The following LSAMP variants were observed in gnomAD, a reference collection of about 807,000 sequenced individuals.
LSAMP encodes limbic system associated membrane protein, also known as limbic system-associated membrane protein.
Under a neutral mutation model 38.6 loss-of-function variants are expected in LSAMP, and 7 were observed. The ratio of observed to expected loss-of-function variants is 0.18; its 90% CI spans 0.10 to 0.34. The LOEUF (loss-of-function observed/expected upper bound fraction) is 0.34, where lower values mean the gene tolerates loss of function less well. Among genes scored for constraint, LSAMP ranks in the 10% least tolerant of loss-of-function variants. LSAMP has a pLI of 1.00. For synonymous variants in LSAMP, 154 were observed against 166.8 expected, an observed-to-expected ratio of 0.92 and a Z score of 0.59; for missense variants, 313 against 420.0, an observed-to-expected ratio of 0.75 and a Z score of 2.23.
At chr3:115,880,450 A>G (rs1936291958) in intron 3 of LSAMP, among the ~76,000 whole-genome samples, 1 of 152,130 alleles carries the variant, frequency 6.6e-6, no homozygotes, top group Admixed American at 6.6e-5. Context: ...GTTGTTTACA[A>G]TCAAAGGGCA....
At chr3:115,976,097 G>A (rs2107618967) in intron 3 of LSAMP, among the ~76,000 whole-genome samples, 1 of 152,188 alleles carries the variant, frequency 6.6e-6, no homozygotes, top group South Asian at 2.1e-4. Context: ...TCTCCAAACT[G>A]CATTCCTGTT....
chr3:116,054,946 T>G (rs1401553093), intron 2 of LSAMP, among the ~76,000 whole-genome samples: 1 of 152,176 alleles, frequency 6.6e-6, no homozygotes, highest in African/African-American at 2.4e-5. Flanking sequence ...TCCAGGTACA[T>G]GAAAATGTAT....
intron 1 of LSAMP, among the ~76,000 whole-genome samples, chr3:116,160,042 CAAAG>C (rs910431909): frequency 6.6e-6 from 1 of 151,976 alleles, no homozygotes; most frequent in African/African-American, 2.4e-5. Context: ...CACATGGACA[CAAAG>C]AAGGGAACAA....
chr3:116,011,182 C>G (rs1559919201), intron 3 of LSAMP, among the ~76,000 whole-genome samples: 1 of 152,066 alleles, frequency 6.6e-6, no homozygotes, highest in Non-Finnish European at 1.5e-5. Context: ...TTTTTGATTA[C>G]AGGTGTGAGC....
intron 3 of LSAMP, among the ~76,000 whole-genome samples, chr3:115,898,262 T>C (rs1010739608): frequency 6.6e-6 from 1 of 152,142 alleles, no homozygotes; most frequent in African/African-American, 2.4e-5. Flanking sequence ...TTTTCAACTG[T>C]AGGAGTTCCT....
At chr3:115,854,659 AC>A (rs1174188677) in intron 3 of LSAMP, among the ~76,000 whole-genome samples, 1 of 152,182 alleles carries the variant, frequency 6.6e-6, no homozygotes, top group African/African-American at 2.4e-5. Context: ...AGAAAGGGTA[AC>A]TGGCCACTTT....
rs148047445 is a variant in LSAMP at position 115,990,537 on chromosome 3, A to G, written c.514+28978T>C. On this transcript the variant is annotated intron_variant, in intron 3 of 6. Coordinates refer to ENST00000490035, the MANE Select transcript of LSAMP (RefSeq NM_002338.5). The stretch of plus-strand genomic sequence containing the variant: ...ATGCTTATTTTCTTTCTAGCCATCT[A>G]TTAAAACAGTCTGAACACACCAATC... Among the ~76,000 whole-genome samples, 15 of 152,228 alleles carry G rather than the reference A, an allele frequency of 9.9e-5. No homozygotes were observed. In the East Asian group the frequency reaches 1.5e-3, roughly 16 times the overall value.
chr3:116,351,386 T>G (rs984339513), intron 1 of LSAMP, among the ~76,000 whole-genome samples: 1 of 152,054 alleles, frequency 6.6e-6, no homozygotes, highest in Non-Finnish European at 1.5e-5. Flanking sequence ...GCAGCATTAG[T>G]CTCTGAGTAA....
chr3:115,854,363 AGCT>A (rs1935440487), intron 3 of LSAMP, among the ~76,000 whole-genome samples: 1 of 147,348 alleles, frequency 6.8e-6, no homozygotes, highest in South Asian at 2.1e-4. Flanking sequence ...GCTCACTGCA[AGCT>A]CCGCCTCCCA....
At chr3:116,441,011 T>C (rs2049426844) in intron 1 of LSAMP, among the ~76,000 whole-genome samples, 1 of 152,204 alleles carries the variant, frequency 6.6e-6, no homozygotes, top group Admixed American at 6.5e-5. Context: ...TATTTCACTA[T>C]CAAATAATCA....
At chr3:115,817,366 G>A (rs1934064648) in intron 6 of LSAMP, among the ~76,000 whole-genome samples, 1 of 152,066 alleles carries the variant, frequency 6.6e-6, no homozygotes. Flanking sequence ...TATGCTCCAC[G>A]AGGGCAGCAA....
rs548149185 is a variant in LSAMP at position 115,802,876 on chromosome 3, G to A, written c.*7441C>T. 6.6e-6 allele frequency: 1 copy of A among 152,116 alleles called. No individual in the cohort carries two copies. Among genetic ancestry groups the A allele is most frequent in the South Asian group, 2.1e-4 (1 of 4,814 alleles). The allele number at this position is 152,116 out of a possible 1,614,324, so 9.4% of individuals were successfully genotyped here. A position where few individuals can be genotyped will look rare whatever the true frequency, so the allele number is the denominator to read the frequency against. ...TGTTCTCTTTTGCTTCTCTCCCCCT[G>A]AATTTCTTCCCTTTAACCTCCCTAC... On this transcript the variant is annotated 3_prime_UTR_variant, in exon 7 of 7. Transcript: ENST00000490035.
intron 1 of LSAMP, among the ~76,000 whole-genome samples, chr3:116,259,412 G>T (rs752337834): frequency 5.5e-4 from 83 of 152,098 alleles, no homozygotes; most frequent in Non-Finnish European, 1.0e-3. Flanking sequence ...AAATGGTGAA[G>T]AATTTAGACC....
chr3:116,198,777 A>AAAAAAAAAAG (rs1229439634), intron 1 of LSAMP, among the ~76,000 whole-genome samples: 105 of 147,450 alleles, frequency 7.1e-4, no homozygotes, highest in Admixed American at 1.4e-3. Flanking sequence ...TCTCAGAAAA[A>AAAAAAAAAAG]AAAAGAAAAT....
intron 1 of LSAMP, among the ~76,000 whole-genome samples, chr3:116,104,070 C>CGTA (rs982690070): frequency 3.3e-5 from 5 of 150,626 alleles, no homozygotes; most frequent in Non-Finnish European, 5.9e-5. Context: ...AGTGAGCCCA[C>CGTA]GTAGATTTCT....
intron 1 of LSAMP, among the ~76,000 whole-genome samples, chr3:116,341,476 A>G (rs1450304798): frequency 2.6e-5 from 4 of 152,030 alleles, no homozygotes; most frequent in Non-Finnish European, 4.4e-5. Flanking sequence ...GGCTCCTCAG[A>G]TGTCATATAA....
At chr3:116,372,277 T>G (rs573136413) in intron 1 of LSAMP, among the ~76,000 whole-genome samples, 3 of 152,144 alleles carry the variant, frequency 2.0e-5, no homozygotes, top group Non-Finnish European at 4.4e-5. Context: ...CCTGTATGAT[T>G]AAATAATTTT....
At chr3:116,336,214 G>A (rs10804523) in intron 1 of LSAMP, among the ~76,000 whole-genome samples, 75,121 of 151,760 alleles carry the variant, frequency 0.49, 22,174 homozygotes, top group East Asian at 0.77. Flanking sequence ...ATGATATCTT[G>A]GCTATGACAC....
chr3:115,993,491 A>C (rs946770262), intron 3 of LSAMP, among the ~76,000 whole-genome samples: 7 of 152,120 alleles, frequency 4.6e-5, no homozygotes, highest in African/African-American at 1.7e-4. Flanking sequence ...ATGATTATGT[A>C]AACTAAATTC....
Sources: gnomAD v4.1 joint callset for allele counts (sites outside exome capture counted in the v4.1 genomes callset) on GRCh38, gnomAD v4.1.1 for gene constraint, MANE v1.5 for transcripts, NCBI Gene and HGNC (gene_info 2026-07-23, HGNC 2026-07-21) for gene names.